The following MRAP2 variants were observed in gnomAD, a reference collection of about 807,000 sequenced individuals.
MRAP2 encodes the protein melanocortin 2 receptor accessory protein 2.
In MRAP2, 20 loss-of-function variants were observed where a neutral mutation model predicts 17.4. The observed-to-expected ratio is 1.15, with a 90% confidence interval of 0.81 to 1.67. The LOEUF is 1.67. Among genes scored for constraint, MRAP2 ranks in the 40% most tolerant of loss-of-function variants. The pLI, the probability that MRAP2 is intolerant of heterozygous loss-of-function variation, is 0.00. For synonymous variants in MRAP2, 96 were observed against 88.4 expected, an observed-to-expected ratio of 1.09 and a Z score of -0.48; for missense variants, 238 against 240.0, an observed-to-expected ratio of 0.99 and a Z score of 0.05.
intron 1 of MRAP2, among the ~76,000 whole-genome samples, chr6:84,040,100 C>T (rs1425700454): frequency 6.6e-6 from 1 of 152,152 alleles, no homozygotes; most frequent in African/African-American, 2.4e-5. Flanking sequence ...GTGGGAGGGA[C>T]CCACTGGGAG....
At chr6:84,093,010 G>A (rs1562896468), downstream of MRAP2, among the ~76,000 whole-genome samples, 3 of 152,204 alleles carry the variant, frequency 2.0e-5, no homozygotes, top group African/African-American at 7.2e-5. Flanking sequence ...CTCTGGGCCT[G>A]AAGCTCCACT....
chr6:84,084,892 T>A (rs1419061597), intron 3 of MRAP2, among the ~76,000 whole-genome samples: 2 of 130,672 alleles, frequency 1.5e-5, no homozygotes, highest in Non-Finnish European at 3.1e-5. Flanking sequence ...TATTTTATTT[T>A]ATTTTATTTT....
chr6:84,059,314 C>T (rs2099492483), intron 2 of MRAP2, among the ~76,000 whole-genome samples: 1 of 152,116 alleles, frequency 6.6e-6, no homozygotes, highest in Non-Finnish European at 1.5e-5. Context: ...TTTGCAAAGG[C>T]TTGGAGTAAG....
the MRAP2 span, among the ~76,000 whole-genome samples, chr6:84,145,783 A>C: frequency 6.6e-6 from 1 of 152,160 alleles, no homozygotes; most frequent in African/African-American, 2.4e-5. Context: ...GACAATTTTC[A>C]TGCCTATTGC....
chr6:84,064,730 G>C (rs190132324), intron 3 of MRAP2, among the ~76,000 whole-genome samples: 2 of 152,216 alleles, frequency 1.3e-5, no homozygotes, highest in East Asian at 3.9e-4. Context: ...TTCGTGATCC[G>C]CCCGCCTTGG....
At chr6:84,101,585 C>T in the MRAP2 span, among the ~76,000 whole-genome samples, 1 of 152,154 alleles carries the variant, frequency 6.6e-6, no homozygotes, top group Non-Finnish European at 1.5e-5. Flanking sequence ...ACATTGATTA[C>T]ACCTGGTGAG....
At chr6:84,062,512 A>C (rs2099493418) in intron 2 of MRAP2, 1 of 982,402 alleles carries the variant, frequency 1.0e-6, no homozygotes, top group Non-Finnish European at 1.2e-6. Context: ...TTTTCTTTTA[A>C]CAGTAGGAAT....
At chr6:84,113,065 T>C in the MRAP2 span, among the ~76,000 whole-genome samples, 297 of 152,338 alleles carry the variant, frequency 1.9e-3, 1 homozygote, top group African/African-American at 6.9e-3. Context: ...GAAGAATGTA[T>C]ATTCTGTTGA....
At chr6:84,145,836 T>G in the MRAP2 span, among the ~76,000 whole-genome samples, 1 of 152,136 alleles carries the variant, frequency 6.6e-6, no homozygotes, top group Admixed American at 6.6e-5. Flanking sequence ...TAAAAAATGC[T>G]TTGAGCCCAA....
the MRAP2 span, among the ~76,000 whole-genome samples, chr6:84,118,474 C>A: frequency 6.6e-6 from 1 of 152,172 alleles, no homozygotes; most frequent in Non-Finnish European, 1.5e-5. Flanking sequence ...GCTGGGAGGT[C>A]CCGCCCCATG....
chr6:84,106,059 C>T, the MRAP2 span, among the ~76,000 whole-genome samples: 5 of 152,188 alleles, frequency 3.3e-5, no homozygotes, highest in East Asian at 1.9e-4. Context: ...GAACCTTGCC[C>T]CAGCCCTGCA....
At chr6:84,140,900 G>GT in the MRAP2 span, among the ~76,000 whole-genome samples, 2 of 152,246 alleles carry the variant, frequency 1.3e-5, no homozygotes, top group African/African-American at 4.8e-5. Flanking sequence ...CCAGGGACTG[G>GT]TTTTGTGGAA....
At chr6:84,078,448 A>G (rs1353139249) in intron 3 of MRAP2, among the ~76,000 whole-genome samples, 2 of 152,218 alleles carry the variant, frequency 1.3e-5, no homozygotes, top group Non-Finnish European at 2.9e-5. Context: ...TTTCACTCCC[A>G]TTGGAATGTC....
the MRAP2 span, among the ~76,000 whole-genome samples, chr6:84,105,410 A>G: frequency 6.6e-6 from 1 of 152,202 alleles, no homozygotes; most frequent in Non-Finnish European, 1.5e-5. Context: ...GACAGCAGGC[A>G]AAGAGAGAGA....
At chr6:84,095,227 A>G (rs1410182972), downstream of MRAP2, among the ~76,000 whole-genome samples, 1 of 152,166 alleles carries the variant, frequency 6.6e-6, no homozygotes, top group African/African-American at 2.4e-5. Context: ...CCTCAGAAGG[A>G]GATATTATCT....
chr6:84,125,697 G>A, the MRAP2 span, among the ~76,000 whole-genome samples: 6,453 of 152,148 alleles, frequency 0.042, 197 homozygotes, highest in Admixed American at 0.086. Flanking sequence ...GAAAGATCAT[G>A]TTAGAATGAG....
chr6:84,034,243 T>C (rs2099485343), intron 1 of MRAP2, among the ~76,000 whole-genome samples: 1 of 151,970 alleles, frequency 6.6e-6, no homozygotes, highest in Non-Finnish European at 1.5e-5. Context: ...GTGAGAAAAC[T>C]TTCCTTGCTG....
At chr6:84,121,564 A>T in the MRAP2 span, among the ~76,000 whole-genome samples, 2 of 152,164 alleles carry the variant, frequency 1.3e-5, no homozygotes, top group Non-Finnish European at 2.9e-5. Context: ...GAATCGCCTG[A>T]ACCCAGGAGG....
chr6:84,072,912 T>C (rs1451096800), intron 3 of MRAP2, among the ~76,000 whole-genome samples: 1 of 152,156 alleles, frequency 6.6e-6, no homozygotes, highest in African/African-American at 2.4e-5. Context: ...AGGGCCGGTC[T>C]CATTCCCACC....
Sources: gnomAD v4.1 joint callset for allele counts (sites outside exome capture counted in the v4.1 genomes callset) on GRCh38, gnomAD v4.1.1 for gene constraint, MANE v1.5 for transcripts, NCBI Gene and HGNC (gene_info 2026-07-23, HGNC 2026-07-21) for gene names.